DYSF: variants seen among roughly 807,000 people sequenced by gnomAD.
DYSF encodes dysferlin.
DYSF carries 212 observed loss-of-function variants against 274.9 expected under a neutral mutation model. The ratio of observed to expected loss-of-function variants is 0.77; its 90% CI spans 0.69 to 0.86. DYSF has a LOEUF of 0.86. Among genes scored for constraint, DYSF ranks in the 40% least tolerant of loss-of-function variants. DYSF has a pLI of 0.00. For missense variants in DYSF, 2,666 were observed against 2,783.2 expected (o/e 0.96, Z 0.95); for synonymous variants, 1,091 against 1,078.7 (o/e 1.01, Z -0.22).
chr2:71,490,882 G>A (rs1381692098), intron 3 of DYSF, among the ~76,000 whole-genome samples: 1 of 152,030 alleles, frequency 6.6e-6, no homozygotes, highest in African/African-American at 2.4e-5. Context: ...TCTTTCCAAT[G>A]TCTTGCTCTC....
rs886044487 is a variant in DYSF, at chr2:71,589,648, T to C, written c.3458T>C (p.Phe1153Ser). ...TCCATGTCCGTCTCCACCTTGAGCT[T>C]CGGTGTGAACAGACCCACGATTTCC... ...EDSMSVSTLSFGVNRPTISCI... is the reference protein window; with the variant it reads ...EDSMSVSTLSSGVNRPTISCI... The change falls in exon 31 of 56, where the codon TTC becomes TCC. Residue 1153 changes from phenylalanine to serine, a missense_variant. Around this residue, in one of 3 missense-constraint regions of DYSF, gnomAD observed 1,460 missense variants for 1,502.1 expected, o/e 0.97. Coordinates refer to ENST00000410020, the MANE Select transcript of DYSF (RefSeq NM_001130987.2). 7.4e-6 allele frequency: 12 copies of C among 1,613,988 alleles called. No homozygotes were observed. Among genetic ancestry groups the C allele is most frequent in the Non-Finnish European group, 1.0e-5 (12 of 1,180,008 alleles).
chr2:71,453,889 G>A, exon 1 of DYSF: 1 of 1,111,414 alleles, frequency 9.0e-7, no homozygotes, highest in Non-Finnish European at 1.3e-6. Flanking sequence ...AGCCGGCCTC[G>A]CCCAGCCAGC....
At chr2:71,634,556 G>T (rs2094365624) in intron 41 of DYSF, among the ~76,000 whole-genome samples, 1 of 152,176 alleles carries the variant, frequency 6.6e-6, no homozygotes, top group Non-Finnish European at 1.5e-5. Flanking sequence ...TAGCAGAAAT[G>T]ACATTTTCAA....
intron 47 of DYSF, 107 bp downstream of exon 47, chr2:71,665,411 CAG>C: frequency 2.0e-6 from 3 of 1,475,442 alleles, no homozygotes; most frequent in Admixed American, 1.8e-5. Flanking sequence ...TAACCCACAG[CAG>C]CAGGCTGTGG....
chr2:71,631,574 A>G (rs1179452142), intron 41 of DYSF, among the ~76,000 whole-genome samples: 1 of 152,148 alleles, frequency 6.6e-6, no homozygotes, highest in Non-Finnish European at 1.5e-5. Flanking sequence ...TCTCAGAGCA[A>G]ATACAAATCG....
chr2:71,621,770 C>T (rs1462142798), intron 41 of DYSF, among the ~76,000 whole-genome samples: 4 of 152,088 alleles, frequency 2.6e-5, no homozygotes, highest in African/African-American at 7.2e-5. Context: ...AGCAATTCTC[C>T]TGCCTCAGCC....
At chr2:71,459,056 T>A (rs1206893685) in intron 1 of DYSF, among the ~76,000 whole-genome samples, 1 of 152,164 alleles carries the variant, frequency 6.6e-6, no homozygotes, top group Non-Finnish European at 1.5e-5. Flanking sequence ...TTCCACCTGG[T>A]GGACTGGGAT....
rs1315624601 is a variant in DYSF, at chr2:71,608,834, A to G, written c.3958-2411A>G. On this transcript the variant is annotated intron_variant, in intron 36 of 55. Transcript: ENST00000410020. ...GAAATATTCTGGGAGGAATGTATTC[A>G]TGAGTTTTCCTTAGTGATTTTAAGA... Among the ~76,000 whole-genome samples, 10 of 152,304 alleles carry G rather than the reference A, an allele frequency of 6.6e-5. No homozygotes were observed. The East Asian group carries it at 1.9e-3, about 29-fold the overall frequency.
intron 41 of DYSF, among the ~76,000 whole-genome samples, chr2:71,627,141 C>T (rs939317224): frequency 4.0e-5 from 6 of 150,384 alleles, no homozygotes; most frequent in Admixed American, 1.3e-4. Context: ...AACTTCTTTT[C>T]TTCTATTTTA....
chr2:71,492,867 A>T (rs1390385845), intron 3 of DYSF, among the ~76,000 whole-genome samples: 1 of 151,996 alleles, frequency 6.6e-6, no homozygotes, highest in Non-Finnish European at 1.5e-5. Context: ...ATTTAACACG[A>T]TGCCATACTT....
intron 46 of DYSF, 132 bp downstream of exon 46, chr2:71,664,570 G>A: frequency 9.3e-7 from 1 of 1,080,392 alleles, no homozygotes; most frequent in Non-Finnish European, 1.4e-6. Flanking sequence ...TTCTCTCATT[G>A]AGTCCAATGG....
chr2:71,532,663 G>C (rs969993350), intron 14 of DYSF, among the ~76,000 whole-genome samples: 4 of 152,240 alleles, frequency 2.6e-5, no homozygotes, highest in Non-Finnish European at 2.9e-5. Flanking sequence ...CCTGGGGCAG[G>C]GGCTGAAGTA....
chr2:71,642,978 C>G (rs1053484781), intron 41 of DYSF, among the ~76,000 whole-genome samples: 11 of 152,156 alleles, frequency 7.2e-5, no homozygotes, highest in African/African-American at 2.4e-4. Flanking sequence ...AGAATGAGCT[C>G]CTGAAGCCGT....
chr2:71,476,328 G>C (rs2082388831), intron 1 of DYSF, among the ~76,000 whole-genome samples: 1 of 152,154 alleles, frequency 6.6e-6, no homozygotes, highest in Admixed American at 6.5e-5. Context: ...GAGGTGGGCA[G>C]ACCACCTGAG....
Position 71,568,087 on chromosome 2 carries a change from G to T in DYSF, c.2697+5G>T. On this transcript the variant is annotated splice_donor_5th_base_variant and intron_variant, in intron 25 of 55. Transcript: ENST00000410020. The stretch of plus-strand genomic sequence containing the variant: ...CTGTCTGTCTTTGCTGAAACCGTGA[G>T]TACCTGCCAGCCCCCACCTCTGCCT... 1.2e-6 allele frequency: 2 copies of T among 1,614,194 alleles called. No individual in the cohort carries two copies. The highest frequency in any genetic ancestry group is 1.7e-6 in the Non-Finnish European group (2 of 1,180,036).
At chr2:71,469,600 C>G (rs928426019) in intron 1 of DYSF, among the ~76,000 whole-genome samples, 2 of 152,102 alleles carry the variant, frequency 1.3e-5, no homozygotes, top group Non-Finnish European at 2.9e-5. Context: ...TGCAGTTGTT[C>G]CCTGTCTCGG....
chr2:71,528,376 T>C lies in DYSF; in HGVS notation c.1355T>C (p.Val452Ala). 6.2e-7 allele frequency: 1 copy of C among 1,614,088 alleles called. No individual in the cohort carries two copies. Among genetic ancestry groups the C allele is most frequent in the Non-Finnish European group, 8.5e-7 (1 of 1,179,982 alleles). The change falls in exon 14 of 56, where the codon GTG becomes GCG. Residue 452 changes from valine (V) to alanine (A), a missense_variant. Transcript: ENST00000410020. Reference protein sequence around the residue: ...SNKKNLVDPFVEVSFAGKMLC... With the variant: ...SNKKNLVDPFAEVSFAGKMLC... ...AAGAAGAACTTGGTGGACCCCTTTG[T>C]GGAGGTCAGCTTTGCGGGGAAAATG...
At chr2:71,579,685 G>A (rs2152830677) in intron 30 of DYSF, among the ~76,000 whole-genome samples, 1 of 152,264 alleles carries the variant, frequency 6.6e-6, no homozygotes, top group South Asian at 2.1e-4. Flanking sequence ...AGGCTCTAGA[G>A]CTGCACTCTC....
chr2:71,590,262 C>A lies in DYSF; in HGVS notation c.3548C>A (p.Ala1183Asp), dbSNP rs2093221942. ...RCYMYQARDL[A>D]AMDKDSFSDP... is the part of the protein sequence containing the mutation. ...TACATGTACCAGGCCCGGGACCTGG[C>A]TGCGATGGACAAGGACTCTTTTTCT... The change falls in exon 32 of 56, where the codon GCT becomes GAT. Residue 1183 changes from alanine (A) to aspartate (D), a missense_variant. Around this residue, in one of 3 missense-constraint regions of DYSF, gnomAD observed 1,460 missense variants for 1,502.1 expected, o/e 0.97. Transcript: ENST00000410020. The A allele has an allele frequency of 6.2e-7, 1 of 1,614,038 alleles. No homozygotes were observed.
Sources: gnomAD v4.1 joint callset for allele counts (sites outside exome capture counted in the v4.1 genomes callset) on GRCh38, gnomAD v4.1.1 for gene constraint, gnomAD v4.1.1 regional missense constraint, MANE v1.5 for transcripts, NCBI Gene and HGNC (gene_info 2026-07-23, HGNC 2026-07-21) for gene names.